Variants in PPL observed in about 807,000 individuals in gnomAD.
PPL encodes the protein periplakin.
Under a neutral mutation model 194.4 loss-of-function variants are expected in PPL, and 198 were observed. The ratio of observed to expected loss-of-function variants is 1.02; its 90% CI spans 0.91 to 1.15. PPL has a LOEUF of 1.15. Among genes scored for constraint, PPL ranks in the 50% most tolerant of loss-of-function variants. The probability of loss-of-function intolerance (pLI) is 0.00; values close to 1 mark genes in which losing one functional copy is unlikely to be tolerated. For synonymous variants in PPL, 1,220 were observed against 972.4 expected (o/e 1.25, Z -4.74); for missense variants, 2,885 against 2,294.8 (o/e 1.26, Z -5.25).
chr16:4,914,945 A>G (rs2088890105), intron 1 of PPL, among the ~76,000 whole-genome samples: 1 of 152,170 alleles, frequency 6.6e-6, no homozygotes, highest in Non-Finnish European at 1.5e-5. Flanking sequence ...GTCACTGACC[A>G]TCTGCCAGGC....
chr16:4,926,316 A>G lies in PPL; in HGVS notation c.62+10668T>C, dbSNP rs148127949. ...AATTGCCAAATAAATTTTCGACCCCACCCCACCAACTCTTTGTCATCTCTC... is the reference window on the plus strand; with the variant it reads ...AATTGCCAAATAAATTTTCGACCCCGCCCCACCAACTCTTTGTCATCTCTC... On this transcript the variant is annotated intron_variant, in intron 1 of 21. Transcript: ENST00000345988. Among the ~76,000 whole-genome samples the G allele has an allele frequency of 2.1e-3, 323 of 151,866 alleles. 2 individuals are homozygous for G. Among genetic ancestry groups the G allele is most frequent in the African/African-American group, 7.1e-3 (294 of 41,408 alleles).
At position 4,885,474 on chromosome 16, in the gene PPL, G is replaced by A. The variant is rs1377364263; in HGVS notation, c.3181C>T (p.Gln1061Ter). 4 of 1,612,132 alleles carry A rather than the reference G, an allele frequency of 2.5e-6. No homozygotes were observed. In the African/African-American group the frequency reaches 4.0e-5, roughly 16 times the overall value. ...TCTGCCTCCAGCTGGGGGTCATTCTGCAGTTTCACCACCTCTTTCTCTGTG... is the reference window on the plus strand; with the variant it reads ...TCTGCCTCCAGCTGGGGGTCATTCTACAGTTTCACCACCTCTTTCTCTGTG... ...KVTEKEVVKL[Q>*]NDPQLEAEYQ... The change falls in exon 22 of 22, where the codon CAG becomes TAG. Residue 1061 changes from glutamine to a stop codon, truncating the protein, a stop_gained. Transcript: ENST00000345988. LOFTEE classifies it high-confidence loss of function. This position sits in a 1 kb window ranked among gnomAD's most constrained non-coding sequence, Gnocchi z 6.3.
rs959237450 is a variant in PPL, at chr16:4,884,522, T to A, written c.4133A>T (p.Glu1378Val). The change falls in exon 22 of 22, where the codon GAG becomes GTG. Residue 1378 changes from glutamate to valine, a missense_variant. Glu to Val is a moderately radical substitution (Grantham distance 121, BLOSUM62 -2). Coordinates refer to ENST00000345988, the MANE Select transcript of PPL (RefSeq NM_002705.5). The surrounding 1 kb of genome is among the most constrained non-coding windows in gnomAD (Gnocchi z 5.7). ...CCGCAGCTTGTCAATCTGCCGCAGC[T>A]CCACATCGATGCTCTCGGCAAAGGC... is the stretch of plus-strand genomic sequence containing the variant. ...ASAFAESIDVELRQIDKLRAE... is the reference protein window; with the variant it reads ...ASAFAESIDVVLRQIDKLRAE... 6.2e-7 allele frequency: 1 copy of A among 1,611,532 alleles called. No homozygotes were observed. The highest frequency in any genetic ancestry group is 1.3e-5 in the African/African-American group (1 of 74,910).
rs779671747 is a variant in PPL, at chr16:4,884,967, C to T, written c.3688G>A (p.Glu1230Lys). 6.2e-7 allele frequency: 1 copy of T among 1,614,158 alleles called. No individual in the cohort carries two copies. The highest frequency in any genetic ancestry group is 1.7e-5 in the Admixed American group (1 of 60,028). The change falls in exon 22 of 22, where the codon GAG (glutamate) becomes AAG (lysine). Residue 1230 changes from glutamate (E) to lysine (K), a missense_variant. By Grantham distance (56) the Glu-to-Lys change is moderately conservative. Transcript: ENST00000345988. The surrounding 1 kb of genome is among the most constrained non-coding windows in gnomAD (Gnocchi z 5.7). ...TACTTAATGACTTCCTTAGTCACCT[C>T]TTTGACTTCCACCTGGGGGCCTCGC... ...RRRGPQVEVK[E>K]VTKEVIKYKT...
chr16:4,897,890 G>T, intron 8 of PPL, 120 bp from the exon 9 acceptor site: 1 of 762,868 alleles, frequency 1.3e-6, no homozygotes, highest in Non-Finnish European at 2.2e-6. Context: ...ATCTGTCTGG[G>T]TGTGGCTACC....
At chr16:4,890,463 G>T in intron 17 of PPL, 129 bp from the exon 18 acceptor site, 1 of 1,248,934 alleles carries the variant, frequency 8.0e-7, no homozygotes, top group South Asian at 1.6e-5. Context: ...TCCCACACAG[G>T]GTGGGTGGTC....
intron 1 of PPL, among the ~76,000 whole-genome samples, chr16:4,916,048 T>C (rs1169330653): frequency 6.6e-6 from 1 of 152,054 alleles, no homozygotes; most frequent in Non-Finnish European, 1.5e-5. Context: ...AAAAAGACAA[T>C]AACAAGTGTT....
At position 4,887,146 on chromosome 16, in the gene PPL, G is replaced by C; in HGVS notation, c.2596C>G (p.Leu866Val). The change falls in exon 21 of 22, where the codon CTC (leucine) becomes GTC (valine). Residue 866 changes from leucine to valine, a missense_variant. Coordinates refer to ENST00000345988, the MANE Select transcript of PPL (RefSeq NM_002705.5). ...CTAAGATCAGTTACCTGTCTGAGGA[G>C]ATTCAGAGCAAACTCCAGATTCTGC... ...RLQNLEFALN[L>V]LRQQPEVEVT... is the part of the protein sequence containing the mutation. The C allele has an allele frequency of 6.2e-7, 1 of 1,613,092 alleles. No homozygotes were observed. The highest frequency in any genetic ancestry group is 8.5e-7 in the Non-Finnish European group (1 of 1,179,046).
intron 1 of PPL, among the ~76,000 whole-genome samples, chr16:4,932,711 C>G (rs1000684596): frequency 3.9e-5 from 6 of 152,180 alleles, no homozygotes. Context: ...AGCTACCGCG[C>G]CCAGCCCGTC....
chr16:4,936,421 G>A (rs937840339), intron 1 of PPL, among the ~76,000 whole-genome samples: 7 of 152,076 alleles, frequency 4.6e-5, no homozygotes, highest in East Asian at 1.9e-4. Flanking sequence ...GCGGCGGGTG[G>A]CCCGCCCCCT....
intron 6 of PPL, among the ~76,000 whole-genome samples, chr16:4,899,721 C>T (rs2088518057): frequency 6.6e-6 from 1 of 152,174 alleles, no homozygotes; most frequent in South Asian, 2.1e-4. Context: ...CTTAGTTCGC[C>T]CATCTGTAAA....
At position 4,899,515 on chromosome 16, in the gene PPL, A is replaced by AAGCCCAGCTATGGGTGGCCTGAGGACC; in HGVS notation, c.607-132_607-131insGGTCCTCAGGCCACCCATAGCTGGGCT. On this transcript the variant is annotated intron_variant, in intron 6 of 21. Coordinates refer to ENST00000345988, the MANE Select transcript of PPL (RefSeq NM_002705.5). ...GCCCAGCTATGGGTGGCCTGAGGAC[A>AAGCCCAGCTATGGGTGGCCTGAGGACC]AGCCCAGCTTAGCCACGTCCAGGCC... is the stretch of plus-strand genomic sequence containing the variant. 1.9e-6 allele frequency: 2 copies of AAGCCCAGCTATGGGTGGCCTGAGGACC among 1,036,812 alleles called. 1 individual carries two copies. The highest frequency in any genetic ancestry group is 2.7e-6 in the Non-Finnish European group (2 of 734,444). The allele number at this position is 1,036,812 out of a possible 1,614,324, so 64.2% of individuals were successfully genotyped here.
chr16:4,895,390 C>A lies in PPL; in HGVS notation c.1113G>T (p.Leu371=). The change falls in exon 11 of 22, where the codon CTG becomes CTT. Residue 371 remains leucine, a synonymous_variant. Transcript: ENST00000345988. ...LRELDDQEKV[L]DKYEDVVQGL... ...CCTGCACCACGTCCTCATACTTGTC[C>A]AGCACCTTCTCCTGGTCCTGGAGAG... is the stretch of plus-strand genomic sequence containing the variant. 6.2e-7 allele frequency: 1 copy of A among 1,613,370 alleles called. No individual in the cohort carries two copies. Among genetic ancestry groups the A allele is most frequent in the Non-Finnish European group, 8.5e-7 (1 of 1,179,930 alleles).
intron 1 of PPL, among the ~76,000 whole-genome samples, chr16:4,920,516 T>G (rs1435050293): frequency 1.3e-5 from 2 of 152,070 alleles, no homozygotes; most frequent in East Asian, 3.9e-4. Flanking sequence ...CAGGCTGCAG[T>G]GCAGTGGCAA....
Position 4,883,227 on chromosome 16 carries a change from T to C in PPL, c.*157A>G. The C allele has an allele frequency of 1.1e-6, 1 of 945,158 alleles. No homozygotes were observed. Among genetic ancestry groups the C allele is most frequent in the Non-Finnish European group, 1.6e-6 (1 of 630,072 alleles). The allele number at this position is 945,158 out of a possible 1,614,324, so 58.5% of individuals were successfully genotyped here. ...GTTGCCTGTCTTCAGCCAGTGCCTG[T>C]CTCATATGTGGGCGGGACTCTGAGC... On this transcript the variant is annotated 3_prime_UTR_variant, in exon 22 of 22. Transcript: ENST00000345988. The surrounding 1 kb of genome is among the most constrained non-coding windows in gnomAD (Gnocchi z 4.8).
rs79367056 is a variant in PPL, at chr16:4,891,886, G to A, written c.1893C>T (p.His631=). The change falls in exon 16 of 22, where the codon CAC becomes CAT. Residue 631 remains histidine (H), a synonymous_variant. Transcript: ENST00000345988. ...TGTCATCCTGATTCAGATGGTTCTC[G>A]TGTGTGGCCAGCAACTCCCAGCTCT... ...LQQSWELLAT[H]ENHLNQDDTV... The A allele has an allele frequency of 4.3e-3, 6,970 of 1,613,540 alleles. 18 individuals carry two copies. The highest frequency in any genetic ancestry group is 5.9e-3 in the Admixed American group (354 of 60,022).
chr16:4,916,315 G>T (rs901568154), intron 1 of PPL, among the ~76,000 whole-genome samples: 2 of 150,968 alleles, frequency 1.3e-5, no homozygotes, highest in Non-Finnish European at 2.9e-5. Flanking sequence ...AGACTCAAAT[G>T]ATTCTCCTAC....
In PPL at chr16:4,910,853, C is replaced by G. The variant is rs1227282046; in HGVS notation, c.159G>C (p.Gln53His). Reference sequence around the variant, plus strand: ...GAGTGGGAGTGGGGGCACTCACACTCTGCATCTTGGCCTCTGTGTCCACGA... The same window carrying G: ...GAGTGGGAGTGGGGGCACTCACACTGTGCATCTTGGCCTCTGTGTCCACGA... ...KNIVDTEAKM[Q>H]SDLARLQEGR... Residue 53 changes from glutamine (Q) to histidine (H), a missense_variant, in exon 2 of 22, where the codon CAG becomes CAC. Physicochemically the swap from Gln to His is conservative, Grantham distance 24. Coordinates refer to ENST00000345988, the MANE Select transcript of PPL (RefSeq NM_002705.5). The G allele has an allele frequency of 9.9e-6, 16 of 1,613,890 alleles. No homozygotes were observed. Among genetic ancestry groups the G allele is most frequent in the Non-Finnish European group, 1.4e-5 (16 of 1,179,890 alleles).
Position 4,885,356 on chromosome 16 carries a change from C to A in PPL, c.3299G>T (p.Arg1100Met). 1.9e-6 allele frequency: 3 copies of A among 1,612,982 alleles called. No homozygotes were observed. The highest frequency in any genetic ancestry group is 2.5e-6 in the Non-Finnish European group (3 of 1,180,014). Residue 1100 changes from arginine (R) to methionine (M), a missense_variant, in exon 22 of 22, where the codon AGG (arginine) becomes ATG (methionine). Arg to Met is a moderately conservative substitution (Grantham distance 91, BLOSUM62 -1). Transcript: ENST00000345988. This position sits in a 1 kb window ranked among gnomAD's most constrained non-coding sequence, Gnocchi z 6.3. ...GGCCATGGCCCGCTCCTTCTCTAGC[C>A]TCTTGAGCTTGTCCTGGAGGAAGCT... ...ELSFLQDKLK[R>M]LEKERAMAEG...
Sources: gnomAD v4.1 joint callset for allele counts (sites outside exome capture counted in the v4.1 genomes callset) on GRCh38, gnomAD v4.1.1 for gene constraint, Gnocchi (gnomAD v3.1) non-coding constraint, MANE v1.5 for transcripts, NCBI Gene and HGNC (gene_info 2026-07-23, HGNC 2026-07-21) for gene names.